The following CHRM3 variants were observed in gnomAD, a reference collection of about 807,000 sequenced individuals.
The protein encoded by CHRM3 is cholinergic receptor muscarinic 3.
A neutral mutation model predicts 41.8 loss-of-function variants in CHRM3; 11 were observed. The observed-to-expected ratio is 0.26, with a 90% CI of 0.17 to 0.44. The LOEUF (loss-of-function observed/expected upper bound fraction) is 0.44, where lower values mean the gene tolerates loss of function less well. CHRM3 is among the 20% of genes least tolerant of loss of function. CHRM3 has a pLI of 1.00. For synonymous variants in CHRM3, 297 were observed against 301.4 expected, an observed-to-expected ratio of 0.99 and a Z score of 0.15; for missense variants, 571 against 745.4, an observed-to-expected ratio of 0.77 and a Z score of 2.72.
chr1:239,642,961 GT>G (rs1671349720), intron 4 of CHRM3, among the ~76,000 whole-genome samples: 1 of 152,164 alleles, frequency 6.6e-6, no homozygotes. Flanking sequence ...TGTCCTTTCT[GT>G]TTTTTAGTTT....
rs1366504413 is a variant in CHRM3 at position 239,564,113 on chromosome 1, TA to T, written c.-313+18367del. ...TTTTGGTAGAATGAAGAATTTTGAATAAAGATAAGAGGAAACAAATTTCTGT... is the reference window on the plus strand; with the variant it reads ...TTTTGGTAGAATGAAGAATTTTGAATAAGATAAGAGGAAACAAATTTCTGT... On this transcript the variant is annotated intron_variant, in intron 3 of 6. Transcript: ENST00000676153. Among the ~76,000 whole-genome samples the T allele has an allele frequency of 2.0e-5, 3 of 152,286 alleles. No homozygotes were observed. In the South Asian group the frequency reaches 6.2e-4, roughly 32 times the overall value.
At chr1:239,586,302 T>C (rs1452214057) in intron 3 of CHRM3, among the ~76,000 whole-genome samples, 1 of 152,226 alleles carries the variant, frequency 6.6e-6, no homozygotes, top group Non-Finnish European at 1.5e-5. Context: ...ATGTTAGCTC[T>C]GGAATTACAC....
intron 3 of CHRM3, among the ~76,000 whole-genome samples, chr1:239,598,239 G>C (rs917903809): frequency 6.6e-6 from 1 of 151,974 alleles, no homozygotes; most frequent in African/African-American, 2.4e-5. Context: ...TTATTGTTTA[G>C]ATTTCGCTGC....
At position 239,434,653 on chromosome 1, in the gene CHRM3, G is replaced by A. The variant is rs114079423; in HGVS notation, c.-521+47426G>A. 8.0e-3 allele frequency among the ~76,000 whole-genome samples: 1,211 copies of A among 152,216 alleles called. 12 individuals are homozygous for A. Among genetic ancestry groups the A allele is most frequent in the African/African-American group, 0.028 (1,156 of 41,514 alleles). On this transcript the variant is annotated intron_variant, in intron 1 of 6. Transcript: ENST00000676153. Reference sequence around the variant, plus strand: ...TAAATATTTATTGAGTACCTACTATGTACTAGACACTAAGTGCTTTCAATA... The same window carrying A: ...TAAATATTTATTGAGTACCTACTATATACTAGACACTAAGTGCTTTCAATA...
At chr1:239,733,435 G>A (rs1403295914) in intron 5 of CHRM3, among the ~76,000 whole-genome samples, 1 of 151,914 alleles carries the variant, frequency 6.6e-6, no homozygotes, top group Non-Finnish European at 1.5e-5. Flanking sequence ...CATTAATAAG[G>A]GGCAAGTGGT....
Position 239,908,599 on chromosome 1 carries a change from T to A in CHRM3, c.1148T>A (p.Leu383Ter). Residue 383 changes from leucine to a stop codon, truncating the protein, a stop_gained, in exon 7 of 7, where the codon TTA becomes TAA. Coordinates refer to ENST00000676153, the MANE Select transcript of CHRM3 (RefSeq NM_001375978.1). LOFTEE classifies it high-confidence loss of function. This position sits in a 1 kb window ranked among gnomAD's most constrained non-coding sequence, Gnocchi z 7.2. ...AGCACCATCCTCAACTCCACCAAGT[T>A]ACCCTCATCGGACAACCTGCAGGTG... ...GHSTILNSTK[L>*]PSSDNLQVPE... 6.2e-7 allele frequency: 1 copy of A among 1,603,544 alleles called. No individual in the cohort carries two copies. The highest frequency in any genetic ancestry group is 8.5e-7 in the Non-Finnish European group (1 of 1,174,972).
chr1:239,668,121 CAG>C (rs1674010096), intron 4 of CHRM3, among the ~76,000 whole-genome samples: 2 of 77,966 alleles, frequency 2.6e-5, no homozygotes, highest in African/African-American at 1.0e-4. Flanking sequence ...TTTTTTGAGA[CAG>C]AGTCTTGCTC....
intron 3 of CHRM3, among the ~76,000 whole-genome samples, chr1:239,613,667 T>C (rs547899637): frequency 1.2e-4 from 19 of 152,338 alleles, no homozygotes; most frequent in African/African-American, 3.4e-4. Context: ...TGTGTATCTG[T>C]GTATGTGTAC....
At chr1:239,498,583 A>G (rs192980789) in intron 2 of CHRM3, among the ~76,000 whole-genome samples, 11 of 152,266 alleles carry the variant, frequency 7.2e-5, no homozygotes, top group Non-Finnish European at 2.9e-5. Flanking sequence ...ATAAACCATT[A>G]AGTATAGACT....
intron 3 of CHRM3, among the ~76,000 whole-genome samples, chr1:239,565,879 C>G (rs2148511384): frequency 6.7e-6 from 1 of 148,572 alleles, no homozygotes; most frequent in South Asian, 2.1e-4. Context: ...GAAACATGAG[C>G]AAAATGATTT....
chr1:239,851,193 C>G (rs967681441), intron 6 of CHRM3, among the ~76,000 whole-genome samples: 12 of 152,082 alleles, frequency 7.9e-5, no homozygotes, highest in African/African-American at 2.9e-4. Flanking sequence ...GGTAATGTAG[C>G]AGATTTAATC....
intron 6 of CHRM3, among the ~76,000 whole-genome samples, chr1:239,882,942 G>C (rs991071982): frequency 6.6e-6 from 1 of 152,206 alleles, no homozygotes; most frequent in Non-Finnish European, 1.5e-5. Context: ...GCCCAGGGGC[G>C]GCTCTTCGCA....
At chr1:239,539,254 G>T (rs1322739792) in intron 2 of CHRM3, among the ~76,000 whole-genome samples, 1 of 151,904 alleles carries the variant, frequency 6.6e-6, no homozygotes, top group Non-Finnish European at 1.5e-5. Context: ...CAATTTTTTT[G>T]GCCTTTGTTC....
chr1:239,905,849 C>T (rs1295721237), intron 6 of CHRM3, among the ~76,000 whole-genome samples: 1 of 152,122 alleles, frequency 6.6e-6, no homozygotes, highest in Admixed American at 6.5e-5. Flanking sequence ...AAAGAGAGCT[C>T]ATTGTTCAAT....
intron 5 of CHRM3, among the ~76,000 whole-genome samples, chr1:239,806,101 G>C (rs1670621106): frequency 6.6e-6 from 1 of 152,132 alleles, no homozygotes; most frequent in Admixed American, 6.5e-5. Flanking sequence ...TCCACTCCTG[G>C]CTGAAAATCC....
intron 1 of CHRM3, among the ~76,000 whole-genome samples, chr1:239,471,740 G>T (rs1666135143): frequency 6.6e-6 from 1 of 152,176 alleles, no homozygotes; most frequent in South Asian, 2.1e-4. Context: ...CTGGGCCTAG[G>T]AATACACCCA....
At chr1:239,507,996 G>C (rs1280053946) in intron 2 of CHRM3, among the ~76,000 whole-genome samples, 3 of 152,194 alleles carry the variant, frequency 2.0e-5, no homozygotes, top group Non-Finnish European at 4.4e-5. Flanking sequence ...CAAGCACAGA[G>C]CTATGGAGCC....
At chr1:239,637,787 T>G (rs1670645412) in intron 4 of CHRM3, among the ~76,000 whole-genome samples, 1 of 151,226 alleles carries the variant, frequency 6.6e-6, no homozygotes, top group African/African-American at 2.4e-5. Context: ...TTATTATACT[T>G]TAAGTTTTAG....
At chr1:239,759,170 T>TC (rs1666500743) in intron 5 of CHRM3, among the ~76,000 whole-genome samples, 1 of 118,046 alleles carries the variant, frequency 8.5e-6, no homozygotes, top group South Asian at 2.8e-4. Context: ...TTTTTTTTTG[T>TC]TTTTTTTTTT....
Sources: gnomAD v4.1 joint callset for allele counts (sites outside exome capture counted in the v4.1 genomes callset) on GRCh38, gnomAD v4.1.1 for gene constraint, Gnocchi (gnomAD v3.1) non-coding constraint, MANE v1.5 for transcripts, NCBI Gene and HGNC (gene_info 2026-07-23, HGNC 2026-07-21) for gene names.